The following ARSI variants were observed in gnomAD, a reference collection of about 807,000 sequenced individuals.
ARSI encodes the protein arylsulfatase I.
In ARSI, 37 loss-of-function variants were observed where a neutral mutation model predicts 42.1. The ratio of observed to expected loss-of-function variants is 0.88; its 90% CI spans 0.68 to 1.16. The LOEUF is 1.16. Among genes scored for constraint, ARSI ranks in the 50% most tolerant of loss-of-function variants. ARSI has a pLI of 0.00. For synonymous variants in ARSI, 305 were observed against 320.3 expected (o/e 0.95, Z 0.51); for missense variants, 725 against 790.1 (o/e 0.92, Z 0.99).
Position 150,302,491 on chromosome 5 carries a change from C to T in ARSI, c.-118G>A, listed in dbSNP as rs994516865. 16 of 745,888 alleles carry T rather than the reference C, an allele frequency of 2.1e-5. No homozygotes were observed. The highest frequency in any genetic ancestry group is 2.9e-5 in the Non-Finnish European group (15 of 520,984). The allele number at this position is 745,888 out of a possible 1,614,324, so 46.2% of individuals were successfully genotyped here. A position where few individuals can be genotyped will look rare whatever the true frequency, so the allele number is the denominator to read the frequency against. On this transcript the variant is annotated 5_prime_UTR_variant, in exon 1 of 2. Coordinates refer to ENST00000328668, the MANE Select transcript of ARSI (RefSeq NM_001012301.4). The surrounding 1 kb of genome is among the most constrained non-coding windows in gnomAD (Gnocchi z 6.1). ...TGCTGCGAGGGAGTTCAGCGCCCCC[C>T]GGGGACGGTCCAGTGTCTGGTCCGG...
At position 150,296,919 on chromosome 5, in the gene ARSI, A is replaced by G; in HGVS notation, c.*295T>C. 1 of 260,258 alleles carries G rather than the reference A, an allele frequency of 3.8e-6. No individual in the cohort carries two copies. Among genetic ancestry groups the G allele is most frequent in the Non-Finnish European group, 7.2e-6 (1 of 139,064 alleles). The allele number at this position is 260,258 out of a possible 1,614,324, so 16.1% of individuals were successfully genotyped here. ...CCCAGGCTCCAGGGCCACACCAAAG[A>G]GTCACAAAGTCATTAGAGCTCATTT... On this transcript the variant is annotated 3_prime_UTR_variant, in exon 2 of 2. Transcript: ENST00000328668.
rs759881101 is a variant in ARSI at position 150,297,890 on chromosome 5, A to G, written c.1034T>C (p.Met345Thr). ...GGTCGGGTACCAGTCAGTGATGTGC[A>G]TCAGTGCCCGGCTTGTCCGTTGCTT... ...KRKQRTSRAL[M>T]HITDWYPTLV... Residue 345 changes from methionine (M) to threonine (T), a missense_variant, in exon 2 of 2, where the codon ATG becomes ACG. Transcript: ENST00000328668. This position sits in a 1 kb window ranked among gnomAD's most constrained non-coding sequence, Gnocchi z 7.0. 1.2e-6 allele frequency: 2 copies of G among 1,612,282 alleles called. No individual in the cohort carries two copies. The highest frequency in any genetic ancestry group is 2.7e-5 in the African/African-American group (2 of 74,926).
chr5:150,302,370 G>T lies in ARSI; in HGVS notation c.4C>A (p.His2Asn). ...ACCAGGGAGAAGCCAGTGAGGGTGT[G>T]CATCGCCAAGCCGGCCCGCGCGTCC... M[H>N]TLTGFSLVSL... is the part of the protein sequence containing the mutation. Residue 2 changes from histidine to asparagine, a missense_variant, in exon 1 of 2, where the codon CAC becomes AAC. Coordinates refer to ENST00000328668, the MANE Select transcript of ARSI (RefSeq NM_001012301.4). The surrounding 1 kb of genome is among the most constrained non-coding windows in gnomAD (Gnocchi z 6.1). 6.9e-7 allele frequency: 1 copy of T among 1,452,922 alleles called. No homozygotes were observed. 90.0% of individuals were successfully genotyped at this position (1,452,922 alleles called of 1,614,324 possible). A position where few individuals can be genotyped will look rare whatever the true frequency, so the allele number is the denominator to read the frequency against.
In ARSI at chr5:150,297,509, T is replaced by C. The variant is rs1757828914; in HGVS notation, c.1415A>G (p.Tyr472Cys). 1 of 1,613,726 alleles carries C rather than the reference T, an allele frequency of 6.2e-7. No individual in the cohort carries two copies. ...VWLFNISADP[Y>C]EREDLAGQRP... ...CTGGCCAGCCAGGTCCTCCCGTTCATAAGGGTCAGCACTGATGTTGAAGAG... is the reference window on the plus strand; with the variant it reads ...CTGGCCAGCCAGGTCCTCCCGTTCACAAGGGTCAGCACTGATGTTGAAGAG... Residue 472 changes from tyrosine to cysteine, a missense_variant, in exon 2 of 2, where the codon TAT (tyrosine) becomes TGT (cysteine). Transcript: ENST00000328668. The surrounding 1 kb of genome is among the most constrained non-coding windows in gnomAD (Gnocchi z 7.0).
Position 150,298,434 on chromosome 5 carries a change from A to G in ARSI, c.490T>C (p.Phe164Leu), listed in dbSNP as rs1257377476. Residue 164 changes from phenylalanine to leucine, a missense_variant, in exon 2 of 2, where the codon TTC (phenylalanine) becomes CTC (leucine). Transcript: ENST00000328668. Reference sequence around the variant, plus strand: ...GTGAGCGAGCCCAGGAAGGTGTCGAAGCCCCGACGGGTGGGCAGACACTCC... The same window carrying G: ...GTGAGCGAGCCCAGGAAGGTGTCGAGGCCCCGACGGGTGGGCAGACACTCC... The part of the protein sequence containing the change: ...RKECLPTRRG[F>L]DTFLGSLTGN... The G allele has an allele frequency of 6.2e-7, 1 of 1,614,098 alleles. No homozygotes were observed. Among genetic ancestry groups the G allele is most frequent in the African/African-American group, 1.3e-5 (1 of 74,936 alleles).
intron 1 of ARSI, among the ~76,000 whole-genome samples, chr5:150,299,745 G>A (rs978027558): frequency 1.4e-4 from 22 of 152,032 alleles, no homozygotes; most frequent in African/African-American, 2.9e-4. Flanking sequence ...GTTTGCTCCC[G>A]TATAGGAGTT....
rs1757862607 is a variant in ARSI, at chr5:150,298,445, G to T, written c.479C>A (p.Thr160Asn). The T allele has an allele frequency of 1.9e-6, 3 of 1,614,204 alleles. No homozygotes were observed. The highest frequency in any genetic ancestry group is 2.5e-6 in the Non-Finnish European group (3 of 1,180,038). The change falls in exon 2 of 2, where the codon ACC becomes AAC. Residue 160 changes from threonine (T) to asparagine (N), a missense_variant. Physicochemically the swap from Thr to Asn is moderately conservative, Grantham distance 65 (BLOSUM62 0). Coordinates refer to ENST00000328668, the MANE Select transcript of ARSI (RefSeq NM_001012301.4). ...LGFYRKECLP[T>N]RRGFDTFLGS... is the part of the protein sequence containing the mutation. ...CAGGAAGGTGTCGAAGCCCCGACGG[G>T]TGGGCAGACACTCCTTCCGGTAGAA...
Position 150,298,385 on chromosome 5 carries a change from T to C in ARSI, c.539A>G (p.Tyr180Cys). ...SLTGNVDYYT[Y>C]DNCDGPGVCG... ...CACGCCTGGGCCATCACAGTTGTCA[T>C]AGGTGTAATAGTCCACATTGCCCGT... is the stretch of plus-strand genomic sequence containing the variant. Residue 180 changes from tyrosine to cysteine, a missense_variant, in exon 2 of 2, where the codon TAT (tyrosine) becomes TGT (cysteine). Transcript: ENST00000328668. 3 of 1,614,122 alleles carry C rather than the reference T, an allele frequency of 1.9e-6. No individual in the cohort carries two copies. The highest frequency in any genetic ancestry group is 4.5e-5 in the East Asian group (2 of 44,874).
rs2150320855 is a variant in ARSI, at chr5:150,299,034, T to C, written c.312-422A>G. Among the ~76,000 whole-genome samples, 3 of 152,298 alleles carry C rather than the reference T, an allele frequency of 2.0e-5. No homozygotes were observed. The East Asian group carries it at 5.8e-4, about 29-fold the overall frequency. ...TTAATCCTCACCACAAATTCAGAGG[T>C]ACATATTATTGTTCCCATTTTCCAA... is the stretch of plus-strand genomic sequence containing the variant. On this transcript the variant is annotated intron_variant, in intron 1 of 1. Coordinates refer to ENST00000328668, the MANE Select transcript of ARSI (RefSeq NM_001012301.4).
chr5:150,298,378 G>A lies in ARSI; in HGVS notation c.546C>T (p.Asn182=), dbSNP rs368681109. The A allele has an allele frequency of 3.7e-6, 6 of 1,614,218 alleles. No individual in the cohort carries two copies. The highest frequency in any genetic ancestry group is 5.1e-6 in the Non-Finnish European group (6 of 1,180,050). Residue 182 remains asparagine (N), a synonymous_variant, in exon 2 of 2, where the codon AAC becomes AAT. Transcript: ENST00000328668. ...TGNVDYYTYD[N]CDGPGVCGFD... is the part of the protein sequence containing the mutation. Reference sequence around the variant, plus strand: ...AGCCGCACACGCCTGGGCCATCACAGTTGTCATAGGTGTAATAGTCCACAT... The same window carrying A: ...AGCCGCACACGCCTGGGCCATCACAATTGTCATAGGTGTAATAGTCCACAT...
chr5:150,302,550 C>T lies in ARSI; in HGVS notation c.-177G>A, dbSNP rs1326436352. The stretch of plus-strand genomic sequence containing the variant: ...GCCGGACGGCTGGGCCGGATCTGCT[C>T]GGCCGCAGCGGGGCGCTCTGGGGAG... On this transcript the variant is annotated 5_prime_UTR_variant, in exon 1 of 2. Transcript: ENST00000328668. The surrounding 1 kb of genome is among the most constrained non-coding windows in gnomAD (Gnocchi z 6.1). 1 of 463,100 alleles carries T rather than the reference C, an allele frequency of 2.2e-6. No individual in the cohort carries two copies. The highest frequency in any genetic ancestry group is 3.7e-5 in the East Asian group (1 of 26,676). 28.7% of individuals were successfully genotyped at this position (463,100 alleles called of 1,614,324 possible).
At position 150,298,123 on chromosome 5, in the gene ARSI, C is replaced by T. The variant is rs114744538; in HGVS notation, c.801G>A (p.Val267=). Residue 267 remains valine (V), a synonymous_variant, in exon 2 of 2, where the codon GTG becomes GTA. Coordinates refer to ENST00000328668, the MANE Select transcript of ARSI (RefSeq NM_001012301.4). ...NVARRKYAAM[V]TCMDEAVRNI... is the part of the protein sequence containing the mutation. ...TGCGCACAGCCTCATCCATGCAGGTCACCATGGCCGCGTACTTCCGCCGGG... is the reference window on the plus strand; with the variant it reads ...TGCGCACAGCCTCATCCATGCAGGTTACCATGGCCGCGTACTTCCGCCGGG... The T allele has an allele frequency of 3.6e-3, 5,753 of 1,613,776 alleles. 166 individuals are homozygous for T. In the African/African-American group the frequency reaches 0.065, roughly 18 times the overall value.
rs774513003 is a variant in ARSI at position 150,297,361 on chromosome 5, C to T, written c.1563G>A (p.Gly521=). 6 of 1,612,082 alleles carry T rather than the reference C, an allele frequency of 3.7e-6. No individual in the cohort carries two copies. The Admixed American group carries it at 5.0e-5, about 13-fold the overall frequency. Residue 521 remains glycine, a synonymous_variant, in exon 2 of 2, where the codon GGG becomes GGA. Coordinates refer to ENST00000328668, the MANE Select transcript of ARSI (RefSeq NM_001012301.4). The surrounding 1 kb of genome is among the most constrained non-coding windows in gnomAD (Gnocchi z 7.0). Reference sequence around the variant, plus strand: ...CCTCTTCCTCATCACTGGCCCAGGGCCCCCAAGCACCCCCATTAAAGTCAG... The same window carrying T: ...CCTCTTCCTCATCACTGGCCCAGGGTCCCCAAGCACCCCCATTAAAGTCAG... ...AHPDFNGGAW[G]PWASDEEEEE...
chr5:150,302,284 G>T lies in ARSI; in HGVS notation c.90C>A (p.Asp30Glu). 2 of 1,605,266 alleles carry T rather than the reference G, an allele frequency of 1.2e-6. No individual in the cohort carries two copies. The highest frequency in any genetic ancestry group is 1.7e-6 in the Non-Finnish European group (2 of 1,176,970). Reference sequence around the variant, plus strand: ...GCTGCTCGCCAGCCTCCCCGGGCCCGTCGGCCACGAAGCTCGGCTTGGCCC... The same window carrying T: ...GCTGCTCGCCAGCCTCCCCGGGCCCTTCGGCCACGAAGCTCGGCTTGGCCC... ...WDWAKPSFVA[D>E]GPGEAGEQPS... Residue 30 changes from aspartate to glutamate, a missense_variant, in exon 1 of 2, where the codon GAC becomes GAA. Coordinates refer to ENST00000328668, the MANE Select transcript of ARSI (RefSeq NM_001012301.4). The surrounding 1 kb of genome is among the most constrained non-coding windows in gnomAD (Gnocchi z 6.1).
At chr5:150,300,570 T>C (rs975661678) in intron 1 of ARSI, among the ~76,000 whole-genome samples, 1 of 152,206 alleles carries the variant, frequency 6.6e-6, no homozygotes, top group Non-Finnish European at 1.5e-5. Flanking sequence ...AAAGCCCACC[T>C]GCAAGTGAGT....
rs143734494 is a variant in ARSI, at chr5:150,298,187, C to G, written c.737G>C (p.Arg246Pro). 1.9e-6 allele frequency: 3 copies of G among 1,613,884 alleles called. No homozygotes were observed. The African/African-American group carries it at 4.0e-5, about 22-fold the overall frequency. ...GGTGCGGTAGCGGTACAGGTACTCA[C>G]GAGGGGACTGCAGGGGTGTGTGTAC... ...QAVHTPLQSP[R>P]EYLYRYRTMG... The change falls in exon 2 of 2, where the codon CGT (arginine) becomes CCT (proline). Residue 246 changes from arginine (R) to proline (P), a missense_variant. Transcript: ENST00000328668.
rs769898737 is a variant in ARSI at position 150,302,399 on chromosome 5, C to T, written c.-26G>A. 8.5e-6 allele frequency: 12 copies of T among 1,409,016 alleles called. No individual in the cohort carries two copies. The Admixed American group carries it at 4.0e-4, about 47-fold the overall frequency. The allele number at this position is 1,409,016 out of a possible 1,614,324, so 87.3% of individuals were successfully genotyped here. ...CGCCAAGCCGGCCCGCGCGTCCCGG[C>T]GCGCCGGGCTCCTGGGGCCTCACCA... On this transcript the variant is annotated 5_prime_UTR_variant, in exon 1 of 2. Transcript: ENST00000328668. The surrounding 1 kb of genome is among the most constrained non-coding windows in gnomAD (Gnocchi z 6.1).
In ARSI at chr5:150,297,687, T is replaced by A; in HGVS notation, c.1237A>T (p.Thr413Ser). The change falls in exon 2 of 2, where the codon ACC (threonine) becomes TCC (serine). Residue 413 changes from threonine to serine, a missense_variant. By Grantham distance (58) the Thr-to-Ser change is moderately conservative. Coordinates refer to ENST00000328668, the MANE Select transcript of ARSI (RefSeq NM_001012301.4). The surrounding 1 kb of genome is among the most constrained non-coding windows in gnomAD (Gnocchi z 7.0). ...ACGCGGATGGCAGCCTGCACGGCGG[T>A]GTTCCAGATGCCAAAGCCGCCCTCC... is the stretch of plus-strand genomic sequence containing the variant. ...SLEGGFGIWN[T>S]AVQAAIRVGE... 1 of 1,613,288 alleles carries A rather than the reference T, an allele frequency of 6.2e-7. No homozygotes were observed. The highest frequency in any genetic ancestry group is 8.5e-7 in the Non-Finnish European group (1 of 1,179,992).
At chr5:150,300,929 C>T (rs1047533038) in intron 1 of ARSI, among the ~76,000 whole-genome samples, 2 of 152,212 alleles carry the variant, frequency 1.3e-5, no homozygotes, top group African/African-American at 4.8e-5. Flanking sequence ...ATACACACCC[C>T]ACACCCCTCC....
Sources: allele counts gnomAD v4.1 joint callset (sites outside exome capture counted in the v4.1 genomes callset), GRCh38; gene constraint gnomAD v4.1.1; non-coding constraint Gnocchi (gnomAD v3.1); transcripts MANE v1.5; gene names NCBI Gene and HGNC (gene_info 2026-07-23, HGNC 2026-07-21).